Variants in TPRG1 observed in about 807,000 individuals in gnomAD.
The protein encoded by TPRG1 is tumor protein p63 regulated 1, also known as tumor protein p63-regulated gene 1 protein.
In TPRG1, 29 loss-of-function variants were observed where a neutral mutation model predicts 29.3. That is an observed-to-expected ratio of 0.99 (90% CI 0.74 to 1.35). The LOEUF is 1.35. TPRG1 is among the 40% of genes most tolerant of loss of function. The probability of loss-of-function intolerance (pLI) is 0.00; values close to 1 mark genes in which losing one functional copy is unlikely to be tolerated. For synonymous variants in TPRG1, 130 were observed against 116.8 expected (o/e 1.11, Z -0.73); for missense variants, 327 against 335.0 (o/e 0.98, Z 0.19).
chr3:189,224,497 C>CA lies in TPRG1; in HGVS notation c.302+9121dup, dbSNP rs968594942. On this transcript the variant is annotated intron_variant, in intron 3 of 5. Coordinates refer to ENST00000345063, the MANE Select transcript of TPRG1 (RefSeq NM_198485.4). ...CCATCTCAAACAACAACAACAACAACAAAAAAACAAAAACATTCATGGAAA... is the reference window on the plus strand; with the variant it reads ...CCATCTCAAACAACAACAACAACAACAAAAAAAACAAAAACATTCATGGAAA... 5.3e-5 allele frequency among the ~76,000 whole-genome samples: 8 copies of CA among 150,382 alleles called. No homozygotes were observed. The South Asian group carries it at 1.2e-3, about 23-fold the overall frequency.
At chr3:189,187,026 A>C (rs1731025908) in intron 1 of TPRG1, among the ~76,000 whole-genome samples, 1 of 114,410 alleles carries the variant, frequency 8.7e-6, no homozygotes, top group Admixed American at 1.3e-4. Flanking sequence ...TCTCACTGTC[A>C]CCCAGCCTGG....
At chr3:189,199,163 C>T (rs1416876228) in intron 1 of TPRG1, among the ~76,000 whole-genome samples, 1 of 152,176 alleles carries the variant, frequency 6.6e-6, no homozygotes, top group African/African-American at 2.4e-5. Flanking sequence ...CATAAAACAA[C>T]ACCCTGTAAT....
At chr3:189,221,701 C>A (rs138263469) in intron 3 of TPRG1, among the ~76,000 whole-genome samples, 13 of 152,326 alleles carry the variant, frequency 8.5e-5, no homozygotes, top group African/African-American at 2.9e-4. Flanking sequence ...GTTTTCCAGG[C>A]ACAGGGTTGC....
chr3:189,306,190 T>C (rs1034677993), intron 4 of TPRG1, among the ~76,000 whole-genome samples: 12 of 152,194 alleles, frequency 7.9e-5, no homozygotes, highest in African/African-American at 2.7e-4. Context: ...TGGAGAACTT[T>C]GGAATGTTTT....
At chr3:189,005,100 G>A (rs993896234) in intron 3 of TPRG1, among the ~76,000 whole-genome samples, 2 of 152,132 alleles carry the variant, frequency 1.3e-5, no homozygotes, top group East Asian at 1.9e-4. Flanking sequence ...ATTACCAGAG[G>A]CTGGGAAGGG....
At chr3:189,166,535 G>A (rs1219350845) in intron 5 of TPRG1, among the ~76,000 whole-genome samples, 1 of 152,136 alleles carries the variant, frequency 6.6e-6, no homozygotes, top group African/African-American at 2.4e-5. Flanking sequence ...GCACACCCAG[G>A]GAGTTAGTCA....
intron 3 of TPRG1, among the ~76,000 whole-genome samples, chr3:189,222,091 G>A (rs184654811): frequency 5.9e-5 from 9 of 152,120 alleles, no homozygotes; most frequent in Admixed American, 1.3e-4. Flanking sequence ...AGGATCAGGG[G>A]TTCATTGGGC....
intron 4 of TPRG1, among the ~76,000 whole-genome samples, chr3:189,032,998 G>A (rs1714023726): frequency 6.6e-6 from 1 of 151,820 alleles, no homozygotes; most frequent in African/African-American, 2.4e-5. Flanking sequence ...TAGTCCAAAT[G>A]TCCCACAACC....
At chr3:189,139,113 T>A (rs138040876) in intron 3 of TPRG1, among the ~76,000 whole-genome samples, 4 of 152,194 alleles carry the variant, frequency 2.6e-5, no homozygotes, top group Non-Finnish European at 5.9e-5. Context: ...TACTGTATGC[T>A]CACACACAAG....
chr3:189,046,378 G>C (rs1714978582), intron 4 of TPRG1, among the ~76,000 whole-genome samples: 1 of 152,332 alleles, frequency 6.6e-6, no homozygotes, highest in Admixed American at 6.5e-5. Flanking sequence ...AATCAGATCT[G>C]CTTCTCAGGA....
chr3:189,164,408 C>T lies in TPRG1; in HGVS notation c.-10+13536C>T, dbSNP rs914981969. 3.9e-5 allele frequency among the ~76,000 whole-genome samples: 6 copies of T among 152,238 alleles called. No individual in the cohort carries two copies. In the East Asian group the frequency reaches 5.8e-4, roughly 15 times the overall value. On this transcript the variant is annotated intron_variant, in intron 5 of 6. Transcript: ENST00000412373. ...AACTCCTGATCTTAGGTGATCCACC[C>T]GCCTCGGCCTCCCAAAGTACTGGGA...
At chr3:189,182,951 A>G (rs1730426072) in intron 1 of TPRG1, among the ~76,000 whole-genome samples, 1 of 152,212 alleles carries the variant, frequency 6.6e-6, no homozygotes, top group African/African-American at 2.4e-5. Flanking sequence ...GTTTGTGGTG[A>G]GAACATGTAA....
chr3:189,207,055 A>G, intron 1 of TPRG1: 2 of 479,858 alleles, frequency 4.2e-6, no homozygotes, highest in Non-Finnish European at 5.4e-6. Flanking sequence ...AATGCTATGC[A>G]ATTTTGAAGA....
At chr3:189,003,710 T>G (rs2152121631) in intron 2 of TPRG1, among the ~76,000 whole-genome samples, 1 of 152,300 alleles carries the variant, frequency 6.6e-6, no homozygotes, top group East Asian at 1.9e-4. Context: ...CAGTTCTCTC[T>G]TGTAGACTGG....
chr3:189,233,056 C>G (rs140740434), intron 3 of TPRG1, among the ~76,000 whole-genome samples: 26 of 152,052 alleles, frequency 1.7e-4, no homozygotes, highest in African/African-American at 5.8e-4. Context: ...AGCCAAGATA[C>G]TATCTTTTCA....
chr3:189,014,327 A>G (rs539514387), intron 3 of TPRG1, among the ~76,000 whole-genome samples: 3 of 152,274 alleles, frequency 2.0e-5, no homozygotes, highest in African/African-American at 7.2e-5. Context: ...AGAAAGTTGA[A>G]TACTGGCCCC....
intron 4 of TPRG1, among the ~76,000 whole-genome samples, chr3:189,055,521 CTAGAACATTTA>C (rs1037394083): frequency 6.6e-6 from 1 of 152,136 alleles, no homozygotes; most frequent in African/African-American, 2.4e-5. Flanking sequence ...TGCAGGGGAG[CTAGAACATTTA>C]TATTCCTCAC....
intron 4 of TPRG1, among the ~76,000 whole-genome samples, chr3:189,091,528 A>G (rs1036258198): frequency 2.5e-4 from 38 of 152,226 alleles, no homozygotes; most frequent in African/African-American, 9.1e-4. Context: ...TTCTGCCACT[A>G]TGGATTAGAT....
intron 5 of TPRG1, among the ~76,000 whole-genome samples, chr3:189,157,417 A>C (rs1266759852): frequency 6.6e-6 from 1 of 152,154 alleles, no homozygotes; most frequent in African/African-American, 2.4e-5. Flanking sequence ...CAGTGAGGAC[A>C]GGCTCCATTC....
Sources: allele counts gnomAD v4.1 joint callset (sites outside exome capture counted in the v4.1 genomes callset), GRCh38; gene constraint gnomAD v4.1.1; transcripts MANE v1.5; gene names NCBI Gene and HGNC (gene_info 2026-07-23, HGNC 2026-07-21).